Variants in LRRFIP1 observed in about 807,000 individuals in gnomAD.
LRRFIP1 encodes LRR binding FLII interacting protein 1, also known as leucine-rich repeat flightless-interacting protein 1.
Under a neutral mutation model 104.4 loss-of-function variants are expected in LRRFIP1, and 62 were observed. The ratio of observed to expected loss-of-function variants is 0.59; its 90% CI spans 0.48 to 0.73. The LOEUF is 0.73. Ranked by LOEUF, LRRFIP1 falls within the 30% of genes least tolerant of loss-of-function variation. LRRFIP1 has a pLI of 0.00. For synonymous variants in LRRFIP1, 300 were observed against 299.0 expected (o/e 1.00, Z -0.03); for missense variants, 796 against 824.5 (o/e 0.97, Z 0.42).
chr2:237,772,327 A>G lies in LRRFIP1; in HGVS notation c.1627+129A>G, dbSNP rs1003423171. ...CTCACATCCCCACAAAAGCCCTTAAAAATAAAAGCACAAGGAGGGGTAGGT... is the reference window on the plus strand; with the variant it reads ...CTCACATCCCCACAAAAGCCCTTAAGAATAAAAGCACAAGGAGGGGTAGGT... On this transcript the variant is annotated intron_variant, in intron 21 of 23. Coordinates refer to ENST00000308482, the MANE Select transcript of LRRFIP1 (RefSeq NM_001137550.2). 7.4e-6 allele frequency: 5 copies of G among 674,770 alleles called. No individual in the cohort carries two copies. The Admixed American group carries it at 1.3e-4, about 17-fold the overall frequency. The allele number at this position is 674,770 out of a possible 1,614,324, so 41.8% of individuals were successfully genotyped here. A position where few individuals can be genotyped will look rare whatever the true frequency, so the allele number is the denominator to read the frequency against.
intron 5 of LRRFIP1, among the ~76,000 whole-genome samples, chr2:237,720,507 C>T (rs187279538): frequency 6.6e-6 from 1 of 152,198 alleles, no homozygotes; most frequent in African/African-American, 2.4e-5. Flanking sequence ...GCCTCGGCCT[C>T]CCAAAATGCT....
chr2:237,751,125 C>A, intron 13 of LRRFIP1, 75 bp from the exon 14 acceptor site: 1 of 1,034,732 alleles, frequency 9.7e-7, no homozygotes, highest in Non-Finnish European at 1.4e-6. Context: ...ATAGAAACTA[C>A]CCTGAAGTAT....
intron 9 of LRRFIP1, 93 bp downstream of exon 9, chr2:237,733,911 C>T (rs1179695803): frequency 2.2e-6 from 3 of 1,373,262 alleles, no homozygotes; most frequent in Non-Finnish European, 3.1e-6. Flanking sequence ...TGCCTGTTCC[C>T]AGCCCCCTGG....
At chr2:237,642,264 C>G (rs529657879) in intron 1 of LRRFIP1, among the ~76,000 whole-genome samples, 1 of 152,348 alleles carries the variant, frequency 6.6e-6, no homozygotes, top group East Asian at 1.9e-4. Flanking sequence ...TGCTCAAAGA[C>G]TTTCAGACTC....
chr2:237,706,982 G>A (rs991929984), intron 1 of LRRFIP1, among the ~76,000 whole-genome samples: 1 of 152,106 alleles, frequency 6.6e-6, no homozygotes, highest in African/African-American at 2.4e-5. Context: ...ATTGAAAATG[G>A]CAACAAGGTA....
At chr2:237,757,362 T>C in intron 16 of LRRFIP1, 94 bp from the exon 17 acceptor site, 1 of 745,698 alleles carries the variant, frequency 1.3e-6, no homozygotes, top group Non-Finnish European at 2.3e-6. Context: ...GCTTGCGGCC[T>C]CACTCACTGT....
chr2:237,701,744 T>C (rs751864939), intron 1 of LRRFIP1, among the ~76,000 whole-genome samples: 2 of 152,168 alleles, frequency 1.3e-5, no homozygotes, highest in Non-Finnish European at 1.5e-5. Context: ...GTTTCTGCTG[T>C]GTGGTTCTGT....
intron 1 of LRRFIP1, among the ~76,000 whole-genome samples, chr2:237,705,882 G>A (rs1229161445): frequency 6.6e-6 from 1 of 152,184 alleles, no homozygotes; most frequent in Non-Finnish European, 1.5e-5. Context: ...TCAGCTCATC[G>A]AGGCCCCCTC....
intron 1 of LRRFIP1, among the ~76,000 whole-genome samples, chr2:237,642,281 C>T (rs1376941523): frequency 3.9e-5 from 6 of 152,208 alleles, no homozygotes; most frequent in African/African-American, 1.2e-4. Flanking sequence ...ACTCAGAGGC[C>T]GAGGCCTGGC....
chr2:237,762,934 A>T (rs760850573), intron 19 of LRRFIP1: 1 of 1,614,264 alleles, frequency 6.2e-7, no homozygotes, highest in Admixed American at 1.7e-5. Context: ...CCCTTGAGCC[A>T]TCCAACTGTT....
chr2:237,683,869 G>A lies in LRRFIP1; in HGVS notation c.97-24675G>A, dbSNP rs565409780. Among the ~76,000 whole-genome samples the A allele has an allele frequency of 5.3e-5, 8 of 152,288 alleles. No individual in the cohort carries two copies. In the South Asian group the frequency reaches 1.0e-3, roughly 20 times the overall value. ...GGCAGTGCTTTACTTTTAAGCCTTC[G>A]AATACATCTTGAGTACCTTAAACTT... On this transcript the variant is annotated intron_variant, in intron 1 of 23. Transcript: ENST00000308482.
At chr2:237,729,090 T>C (rs1171673216) in intron 8 of LRRFIP1, among the ~76,000 whole-genome samples, 1 of 152,068 alleles carries the variant, frequency 6.6e-6, no homozygotes, top group Non-Finnish European at 1.5e-5. Flanking sequence ...ACCTGGCTAA[T>C]TTTTTTTGTA....
chr2:237,739,116 GCTAACC>G, intron 10 of LRRFIP1, 110 bp from the exon 11 acceptor site: 2 of 845,270 alleles, frequency 2.4e-6, no homozygotes, highest in Non-Finnish European at 3.8e-6. Context: ...GCCGTGCGTG[GCTAACC>G]TCACCACTTA....
intron 10 of LRRFIP1, 85 bp from the exon 11 acceptor site, chr2:237,739,147 C>T: frequency 8.2e-7 from 1 of 1,225,060 alleles, no homozygotes; most frequent in Non-Finnish European, 1.2e-6. Flanking sequence ...AGCATGTTTT[C>T]TGTCGGCCTC....
At chr2:237,743,702 CA>C (rs113201178) in intron 11 of LRRFIP1, among the ~76,000 whole-genome samples, 3,599 of 152,260 alleles carry the variant, frequency 0.024, 147 homozygotes, top group African/African-American at 0.082. Flanking sequence ...GACGCACAGA[CA>C]GGGGCAGACG....
chr2:237,779,129 G>T (rs910927420), intron 23 of LRRFIP1, among the ~76,000 whole-genome samples: 1 of 152,084 alleles, frequency 6.6e-6, no homozygotes, highest in Non-Finnish European at 1.5e-5. Context: ...CAGGGGAATC[G>T]CTTGAACCCG....
At position 237,766,087 on chromosome 2, in the gene LRRFIP1, G is replaced by A. The variant is rs944916314; in HGVS notation, c.1460-3856G>A. On this transcript the variant is annotated intron_variant, in intron 19 of 23. Coordinates refer to ENST00000308482, the MANE Select transcript of LRRFIP1 (RefSeq NM_001137550.2). The surrounding 1 kb of genome is among the most constrained non-coding windows in gnomAD (Gnocchi z 4.8). ...AGGAATGCACTTCCCTCCTGGCATC[G>A]AGCCTGGGGCTAGCATGGGCATTAC... Among the ~76,000 whole-genome samples the A allele has an allele frequency of 1.4e-4, 22 of 152,092 alleles. No homozygotes were observed. Among genetic ancestry groups the A allele is most frequent in the African/African-American group, 4.8e-4 (20 of 41,414 alleles).
intron 19 of LRRFIP1, chr2:237,763,168 G>A: frequency 6.2e-7 from 1 of 1,614,212 alleles, no homozygotes; most frequent in Non-Finnish European, 8.5e-7. Flanking sequence ...CTGAGCCCAA[G>A]GAGGTTCCAG....
intron 1 of LRRFIP1, chr2:237,684,467 C>A (rs2092163379): frequency 6.6e-6 from 1 of 152,146 alleles, no homozygotes. Flanking sequence ...CAGAGCAAGA[C>A]TATCTCAAAA....
Sources: allele counts gnomAD v4.1 joint callset (sites outside exome capture counted in the v4.1 genomes callset), GRCh38; gene constraint gnomAD v4.1.1; non-coding constraint Gnocchi (gnomAD v3.1); transcripts MANE v1.5; gene names NCBI Gene and HGNC (gene_info 2026-07-23, HGNC 2026-07-21).